Variants in SPIDR observed in about 807,000 individuals in gnomAD.
SPIDR encodes DNA repair-scaffolding protein.
SPIDR carries 93 observed loss-of-function variants against 104.6 expected under a neutral mutation model. That is an observed-to-expected ratio of 0.89 (90% CI 0.75 to 1.06). SPIDR has a LOEUF of 1.06. Ranked by LOEUF, SPIDR falls within the 50% of genes least tolerant of loss-of-function variation. SPIDR has a pLI of 0.00. For missense variants in SPIDR, 1,154 were observed against 1,111.2 expected (o/e 1.04, Z -0.55); for synonymous variants, 431 against 416.9 (o/e 1.03, Z -0.41).
At chr8:47,301,695 C>T (rs2042113347) in intron 5 of SPIDR, among the ~76,000 whole-genome samples, 1 of 137,422 alleles carries the variant, frequency 7.3e-6, no homozygotes, top group African/African-American at 2.8e-5. Flanking sequence ...ATTTCTCCTT[C>T]ACTCATGAAG....
chr8:47,296,795 G>A (rs977274231), intron 5 of SPIDR, among the ~76,000 whole-genome samples: 10 of 152,106 alleles, frequency 6.6e-5, no homozygotes, highest in Admixed American at 2.6e-4. Context: ...TTGGAATTTC[G>A]TTAGGCATTG....
At chr8:47,404,122 T>G (rs1563868099) in intron 6 of SPIDR, among the ~76,000 whole-genome samples, 1 of 152,182 alleles carries the variant, frequency 6.6e-6, no homozygotes, top group Admixed American at 6.5e-5. Context: ...ATTTAATAAA[T>G]GGTGCTGGGA....
At chr8:47,500,017 C>A (rs1337244555) in intron 8 of SPIDR, among the ~76,000 whole-genome samples, 2 of 152,110 alleles carry the variant, frequency 1.3e-5, no homozygotes, top group Non-Finnish European at 2.9e-5. Context: ...GTATATGTGC[C>A]ACATTTTCTT....
At position 47,407,967 on chromosome 8, in the gene SPIDR, G is replaced by A. The variant is rs17612211; in HGVS notation, c.877+6G>A. 6.8e-3 allele frequency: 10,278 copies of A among 1,515,184 alleles called. 60 individuals carry two copies. The highest frequency in any genetic ancestry group is 0.013 in the Middle Eastern group (78 of 5,778). 93.9% of individuals were successfully genotyped at this position (1,515,184 alleles called of 1,614,324 possible). The stretch of plus-strand genomic sequence containing the variant: ...TTACCAAAAGACACTTTCAGGTAAG[G>A]CTTGTGCAGGAATCTGAGACAATGT... On this transcript the variant is annotated splice_donor_region_variant and intron_variant, in intron 7 of 19. Coordinates refer to ENST00000297423, the MANE Select transcript of SPIDR (RefSeq NM_001080394.4).
intron 8 of SPIDR, among the ~76,000 whole-genome samples, chr8:47,502,164 T>G (rs1488084162): frequency 6.6e-6 from 1 of 152,198 alleles, no homozygotes; most frequent in Non-Finnish European, 1.5e-5. Context: ...ATAAAATGAG[T>G]TAGGGACGAT....
At chr8:47,346,807 TCCCCTTTATCATTTTTTATTGCATCTA>T (rs1554618483) in intron 5 of SPIDR, among the ~76,000 whole-genome samples, 1 of 152,190 alleles carries the variant, frequency 6.6e-6, no homozygotes, top group African/African-American at 2.4e-5. Context: ...GGTGGTGATA[TCCCCTTTATCATTTTTTATTGCATCTA>T]TTTGATTCTT....
rs1204311595 is a variant in SPIDR at position 47,422,123 on chromosome 8, C to T, written c.877+14162C>T. Among the ~76,000 whole-genome samples, 3 of 152,226 alleles carry T rather than the reference C, an allele frequency of 2.0e-5. No homozygotes were observed. The East Asian group carries it at 5.8e-4, about 29-fold the overall frequency. ...CAGCTGCGTGCTGGGAGAACCACTA[C>T]TCTCTTCAAAGCTGTCAGACAGGGA... On this transcript the variant is annotated intron_variant, in intron 7 of 19. Transcript: ENST00000297423.
In SPIDR at chr8:47,440,872, G is replaced by A. The variant is rs1482108229; in HGVS notation, c.1097+330G>A. On this transcript the variant is annotated intron_variant, in intron 8 of 19. Transcript: ENST00000297423. ...ATAATTTTGTTAACAGGCATTATGT[G>A]ACAGTAGGATAACACACATTAATTA... Among the ~76,000 whole-genome samples the A allele has an allele frequency of 2.6e-5, 4 of 152,288 alleles. 1 individual carries two copies. The South Asian group carries it at 8.3e-4, about 32-fold the overall frequency.
intron 8 of SPIDR, among the ~76,000 whole-genome samples, chr8:47,491,964 C>CT (rs1554740100): frequency 6.6e-6 from 1 of 152,108 alleles, no homozygotes; most frequent in African/African-American, 2.4e-5. Flanking sequence ...GAGCCAGGCC[C>CT]CAGAAGGCCA....
intron 8 of SPIDR, among the ~76,000 whole-genome samples, chr8:47,531,295 C>G (rs921011701): frequency 6.6e-6 from 1 of 152,164 alleles, no homozygotes; most frequent in Non-Finnish European, 1.5e-5. Flanking sequence ...TGTCTTCTAC[C>G]TCTACAACTT....
intron 5 of SPIDR, among the ~76,000 whole-genome samples, chr8:47,368,284 A>T (rs781865732): frequency 7.0e-6 from 1 of 143,590 alleles, no homozygotes; most frequent in African/African-American, 2.6e-5. Flanking sequence ...GGAGGACACA[A>T]CATTCAGTCC....
intron 8 of SPIDR, among the ~76,000 whole-genome samples, chr8:47,560,681 A>G (rs1164137099): frequency 6.6e-6 from 1 of 152,180 alleles, no homozygotes; most frequent in African/African-American, 2.4e-5. Flanking sequence ...TAAGTTATCT[A>G]TAATGGCCAT....
chr8:47,735,158 C>A, intron 19 of SPIDR, 149 bp from the exon 20 acceptor site: 1 of 681,504 alleles, frequency 1.5e-6, no homozygotes. Flanking sequence ...TTTGTTTCTC[C>A]TTCCTACCAC....
intron 5 of SPIDR, among the ~76,000 whole-genome samples, chr8:47,343,625 G>A (rs1554615408): frequency 6.6e-6 from 1 of 152,198 alleles, no homozygotes; most frequent in African/African-American, 2.4e-5. Flanking sequence ...CAACACAGCT[G>A]CAGGACCTCA....
intron 8 of SPIDR, among the ~76,000 whole-genome samples, chr8:47,502,102 C>T (rs1351031419): frequency 4.6e-5 from 7 of 152,110 alleles, no homozygotes; most frequent in South Asian, 2.1e-4. Context: ...CTAAAATTGT[C>T]TTTTTTTGTT....
chr8:47,625,839 TC>T (rs2065991069), intron 10 of SPIDR, among the ~76,000 whole-genome samples: 2 of 152,132 alleles, frequency 1.3e-5, no homozygotes, highest in Non-Finnish European at 2.9e-5. Context: ...TTCAGTGCCA[TC>T]CCCATCAAGC....
chr8:47,640,841 CT>C (rs57405701), intron 10 of SPIDR, among the ~76,000 whole-genome samples: 4 of 41,298 alleles, frequency 9.7e-5, no homozygotes, highest in Admixed American at 4.4e-4. Context: ...CCACACCCAG[CT>C]TTTTTTTTTT....
intron 8 of SPIDR, among the ~76,000 whole-genome samples, chr8:47,461,532 G>C (rs547724502): frequency 1.3e-5 from 2 of 152,136 alleles, no homozygotes; most frequent in African/African-American, 4.8e-5. Flanking sequence ...AGATGGTCTC[G>C]ATCTCTTGAC....
rs1432522112 is a variant in SPIDR at position 47,735,408 on chromosome 8, A to G, written c.2706A>G (p.Glu902=). ...AHPTSCIGLE[E]IELLSAGGAS... ...CGACCAGCTGCATTGGATTGGAGGA[A>G]ATCGAGCTTCTGAGTGCAGGAGGGG... Residue 902 remains glutamate (E), a synonymous_variant, in exon 20 of 20, where the codon GAA becomes GAG. Coordinates refer to ENST00000297423, the MANE Select transcript of SPIDR (RefSeq NM_001080394.4). 3.7e-6 allele frequency: 6 copies of G among 1,614,022 alleles called. No homozygotes were observed. In the Admixed American group the frequency reaches 5.0e-5, roughly 13 times the overall value.
Sources: allele counts gnomAD v4.1 joint callset (sites outside exome capture counted in the v4.1 genomes callset), GRCh38; gene constraint gnomAD v4.1.1; transcripts MANE v1.5; gene names NCBI Gene and HGNC (gene_info 2026-07-23, HGNC 2026-07-21).